Variants in NUP93 observed in about 807,000 individuals in gnomAD.
The protein encoded by NUP93 is nucleoporin 93.
In NUP93, 55 loss-of-function variants were observed where a neutral mutation model predicts 107.8. That is an observed-to-expected ratio of 0.51 (90% confidence interval 0.41 to 0.64). The LOEUF (loss-of-function observed/expected upper bound fraction) is 0.64. Ranked by LOEUF, NUP93 falls within the 30% of genes least tolerant of loss-of-function variation. The pLI is 0.00. For missense variants in NUP93, 937 were observed against 1,044.7 expected (o/e 0.90, Z 1.42); for synonymous variants, 390 against 397.5 (o/e 0.98, Z 0.22).
At chr16:56,794,348 GAC>G (rs144089162) in intron 3 of NUP93, among the ~76,000 whole-genome samples, 2 of 151,514 alleles carry the variant, frequency 1.3e-5, no homozygotes, top group Admixed American at 1.3e-4. Flanking sequence ...GGTGAGGTTT[GAC>G]ACACACACAC....
At chr16:56,730,591 T>C (rs1357181446) in intron 1 of NUP93, among the ~76,000 whole-genome samples, 1 of 152,162 alleles carries the variant, frequency 6.6e-6, no homozygotes. Flanking sequence ...TTCCTGACCG[T>C]GCCCTGCCTG....
intron 3 of NUP93, among the ~76,000 whole-genome samples, chr16:56,796,385 A>G (rs1360231261): frequency 2.0e-5 from 3 of 152,186 alleles, no homozygotes; most frequent in Non-Finnish European, 4.4e-5. Context: ...AAGTTAAACC[A>G]TATGCAGCTT....
chr16:56,742,085 C>T (rs1457856584), intron 1 of NUP93, among the ~76,000 whole-genome samples: 1 of 152,176 alleles, frequency 6.6e-6, no homozygotes, highest in African/African-American at 2.4e-5. Context: ...TAATATGTTG[C>T]ATTATACTTA....
chr16:56,808,153 T>TATATAGTTATATAACTATATAA lies in NUP93; in HGVS notation c.489+2522_489+2523insTATAGTTATATAACTATATAAA, dbSNP rs1567398272. On this transcript the variant is annotated intron_variant, in intron 5 of 21. Coordinates refer to ENST00000308159, the MANE Select transcript of NUP93 (RefSeq NM_014669.5). ...ATAAATATATTTATATAACTATATA[T>TATATAGTTATATAACTATATAA]AATATATAGTTATATAACTATATAA... Among the ~76,000 whole-genome samples, 189 of 64,072 alleles carry TATATAGTTATATAACTATATAA rather than the reference T, an allele frequency of 2.9e-3. 9 individuals carry two copies. The highest frequency in any genetic ancestry group is 5.1e-3 in the South Asian group (11 of 2,166). 42.0% of individuals were successfully genotyped at this position (64,072 alleles called of 152,430 possible).
At position 56,845,954 on chromosome 16, in the gene NUP93, T is replaced by G. The variant is rs1184584262; in HGVS notation, c.*1345T>G. On this transcript the variant is annotated 3_prime_UTR_variant, in exon 22 of 22. Transcript: ENST00000308159. Reference sequence around the variant, plus strand: ...GGGTCAGTGGAGCTGTGTTCTGCCTTCCTCCTCTAGTCCCATCTTGTCACC... The same window carrying G: ...GGGTCAGTGGAGCTGTGTTCTGCCTGCCTCCTCTAGTCCCATCTTGTCACC... 6.6e-6 allele frequency: 1 copy of G among 152,220 alleles called. No individual in the cohort carries two copies. Among genetic ancestry groups the G allele is most frequent in the Non-Finnish European group, 1.5e-5 (1 of 68,066 alleles). 9.4% of individuals were successfully genotyped at this position (152,220 alleles called of 1,614,324 possible).
chr16:56,797,039 C>T (rs1358933369), intron 3 of NUP93, among the ~76,000 whole-genome samples: 2 of 152,000 alleles, frequency 1.3e-5, no homozygotes, highest in Non-Finnish European at 2.9e-5. Context: ...CTTTGGGAGG[C>T]AGATCACTTG....
chr16:56,766,688 C>T (rs1460817889), intron 3 of NUP93, among the ~76,000 whole-genome samples: 2 of 152,116 alleles, frequency 1.3e-5, no homozygotes, highest in Admixed American at 6.6e-5. Context: ...TTGGAATGTT[C>T]GATCCAAAGC....
chr16:56,842,833 G>A (rs924308920), intron 21 of NUP93: 3 of 306,686 alleles, frequency 9.8e-6, no homozygotes, highest in African/African-American at 6.8e-5. Flanking sequence ...GATTACAGAT[G>A]TGAGCCACCG....
At chr16:56,732,641 A>C (rs1211591108) in intron 1 of NUP93, among the ~76,000 whole-genome samples, 1 of 152,178 alleles carries the variant, frequency 6.6e-6, no homozygotes, top group Non-Finnish European at 1.5e-5. Flanking sequence ...TCATAGACTG[A>C]TGTAGAAAAT....
At chr16:56,781,915 G>A (rs531387578) in intron 3 of NUP93, 33 of 985,196 alleles carry the variant, frequency 3.3e-5, no homozygotes, top group East Asian at 2.3e-4. Context: ...GCTGTGCTCC[G>A]GGGGCTGCAG....
intron 3 of NUP93, among the ~76,000 whole-genome samples, chr16:56,792,635 TA>T (rs1962794274): frequency 6.6e-6 from 1 of 152,208 alleles, no homozygotes; most frequent in African/African-American, 2.4e-5. Flanking sequence ...GGGTTAAAAA[TA>T]AGGGCTAGAA....
chr16:56,769,464 A>C (rs1695615973), intron 3 of NUP93, among the ~76,000 whole-genome samples: 1 of 152,182 alleles, frequency 6.6e-6, no homozygotes, highest in African/African-American at 2.4e-5. Context: ...CAGAAAGACC[A>C]AACCTGCTTC....
chr16:56,743,406 C>T lies in NUP93; in HGVS notation c.-14-4828C>T, dbSNP rs577020787. 5.3e-5 allele frequency among the ~76,000 whole-genome samples: 8 copies of T among 152,150 alleles called. No individual in the cohort carries two copies. The South Asian group carries it at 1.7e-3, about 32-fold the overall frequency. ...CCTTGGTTTAGCTCTAGGTAGGAGCCCTCTCTTTCAAACTGTGGGTTTTAC... is the reference window on the plus strand; with the variant it reads ...CCTTGGTTTAGCTCTAGGTAGGAGCTCTCTCTTTCAAACTGTGGGTTTTAC... On this transcript the variant is annotated intron_variant, in intron 1 of 21. Coordinates refer to ENST00000308159, the MANE Select transcript of NUP93 (RefSeq NM_014669.5).
rs1302758332 is a variant in NUP93, at chr16:56,846,973, TCTTTGACCTGTAGATGGGTC to T, written c.*2367_*2386del. 1.1e-5 allele frequency: 1 copy of T among 90,302 alleles called. No homozygotes were observed. The highest frequency in any genetic ancestry group is 2.8e-5 in the Non-Finnish European group (1 of 36,310). The allele number at this position is 90,302 out of a possible 1,614,324, so 5.6% of individuals were successfully genotyped here. A position where few individuals can be genotyped will look rare whatever the true frequency, so the allele number is the denominator to read the frequency against. ...CAGCCCTGCATCCAGGGGATGAGGT[TCTTTGACCTGTAGATGGGTC>T]CTAAAATGAGAAGGGAGAGAAGCAG... On this transcript the variant is annotated 3_prime_UTR_variant, in exon 22 of 22. Transcript: ENST00000308159.
intron 5 of NUP93, among the ~76,000 whole-genome samples, chr16:56,806,661 T>C (rs1963148632): frequency 6.6e-6 from 1 of 152,202 alleles, no homozygotes; most frequent in Non-Finnish European, 1.5e-5. Flanking sequence ...GGCCTCTATA[T>C]TGTGCTGCTC....
At chr16:56,826,309 C>A (rs1441013721) in intron 8 of NUP93, among the ~76,000 whole-genome samples, 1 of 152,142 alleles carries the variant, frequency 6.6e-6, no homozygotes, top group Admixed American at 6.5e-5. Context: ...GTCAGGAGTT[C>A]AAGACCAGCC....
chr16:56,826,215 T>C (rs757058343), intron 8 of NUP93, among the ~76,000 whole-genome samples: 1 of 152,200 alleles, frequency 6.6e-6, no homozygotes, highest in African/African-American at 2.4e-5. Flanking sequence ...CAACCTCTGC[T>C]TATAAATACT....
At chr16:56,822,226 G>T (rs1433471887) in intron 7 of NUP93, among the ~76,000 whole-genome samples, 2 of 151,716 alleles carry the variant, frequency 1.3e-5, no homozygotes, top group Admixed American at 1.3e-4. Context: ...TTTAAAAATT[G>T]CTCAGCCCGT....
At position 56,794,927 on chromosome 16, in the gene NUP93, C is replaced by CAAAAA. The variant is rs747651772; in HGVS notation, c.298-3521_298-3517dup. On this transcript the variant is annotated intron_variant, in intron 3 of 21. Coordinates refer to ENST00000308159, the MANE Select transcript of NUP93 (RefSeq NM_014669.5). ...TGGGCGACAGAGCGAGACTCTGTCTCAAAAAAAAAAAAAAAAAAAAAAAAA... is the reference window on the plus strand; with the variant it reads ...TGGGCGACAGAGCGAGACTCTGTCTCAAAAAAAAAAAAAAAAAAAAAAAAAAAAAA... Among the ~76,000 whole-genome samples, 198 of 71,944 alleles carry CAAAAA rather than the reference C, an allele frequency of 2.8e-3. 10 individuals are homozygous for CAAAAA. Among genetic ancestry groups the CAAAAA allele is most frequent in the African/African-American group, 9.4e-3 (160 of 17,064 alleles). The allele number at this position is 71,944 out of a possible 152,430, so 47.2% of individuals were successfully genotyped here.
Sources: gnomAD v4.1 joint callset for allele counts (sites outside exome capture counted in the v4.1 genomes callset) on GRCh38, gnomAD v4.1.1 for gene constraint, MANE v1.5 for transcripts, NCBI Gene and HGNC (gene_info 2026-07-23, HGNC 2026-07-21) for gene names.